PRKN: variants seen among roughly 807,000 people sequenced by gnomAD.
The protein encoded by PRKN is E3 ubiquitin-protein ligase parkin.
Under a neutral mutation model 59.5 loss-of-function variants are expected in PRKN, and 56 were observed. That is an observed-to-expected ratio of 0.94 (90% CI 0.76 to 1.18). The LOEUF (loss-of-function observed/expected upper bound fraction) is 1.18, where lower values mean the gene tolerates loss of function less well. PRKN is among the 50% of genes most tolerant of loss of function. The pLI is 0.00. For missense variants in PRKN, 657 were observed against 596.4 expected (o/e 1.10, Z -1.06); for synonymous variants, 250 against 222.1 (o/e 1.13, Z -1.12).
chr6:161,989,280 A>G (rs1022314101), intron 5 of PRKN, among the ~76,000 whole-genome samples: 2 of 35,148 alleles, frequency 5.7e-5, no homozygotes, highest in African/African-American at 2.3e-4. Context: ...ATATATATAC[A>G]CCATCCAGGG....
In PRKN at chr6:161,584,487, A is replaced by G. The variant is rs1423006386; in HGVS notation, c.872-15071T>C. Among the ~76,000 whole-genome samples the G allele has an allele frequency of 6.6e-6, 1 of 152,234 alleles. No homozygotes were observed. The highest frequency in any genetic ancestry group is 2.4e-5 in the African/African-American group (1 of 41,462). ...TAATCTTCATGTGCCAAATTGGGGG[A>G]AAAAACCTTATGGCTGGCCTGTTAT... On this transcript the variant is annotated intron_variant, in intron 7 of 11. Coordinates refer to ENST00000366898, the MANE Select transcript of PRKN (RefSeq NM_004562.3). The surrounding 1 kb of genome is among the most constrained non-coding windows in gnomAD (Gnocchi z 4.8).
At chr6:162,117,570 T>C (rs1222601141) in intron 4 of PRKN, among the ~76,000 whole-genome samples, 1 of 152,212 alleles carries the variant, frequency 6.6e-6, no homozygotes, top group Non-Finnish European at 1.5e-5. Context: ...GTAACTCCTA[T>C]GCTCTGACCA....
At chr6:161,595,131 A>G (rs1781867399) in intron 7 of PRKN, among the ~76,000 whole-genome samples, 1 of 152,238 alleles carries the variant, frequency 6.6e-6, no homozygotes, top group Admixed American at 6.5e-5. Context: ...GTAGTGACAA[A>G]ATAATTATAT....
intron 2 of PRKN, among the ~76,000 whole-genome samples, chr6:162,366,157 TATA>T (rs1156662221): frequency 6.6e-6 from 1 of 152,242 alleles, no homozygotes. Flanking sequence ...TTTGACAGGT[TATA>T]ATAATTTTTT....
intron 6 of PRKN, among the ~76,000 whole-genome samples, chr6:161,916,682 A>G (rs1778570034): frequency 6.6e-6 from 1 of 152,100 alleles, no homozygotes; most frequent in Non-Finnish European, 1.5e-5. Context: ...CTTCAATTTA[A>G]TTTTAAATTT....
At chr6:162,245,671 T>C (rs1779166574) in intron 3 of PRKN, among the ~76,000 whole-genome samples, 1 of 152,180 alleles carries the variant, frequency 6.6e-6, no homozygotes, top group Non-Finnish European at 1.5e-5. Context: ...CAGACAGATC[T>C]TGAAATCTGC....
At position 161,428,683 on chromosome 6, in the gene PRKN, A is replaced by G. The variant is rs905551465; in HGVS notation, c.1084-41806T>C. 6.6e-6 allele frequency among the ~76,000 whole-genome samples: 1 copy of G among 152,180 alleles called. No homozygotes were observed. The highest frequency in any genetic ancestry group is 1.5e-5 in the Non-Finnish European group (1 of 68,030). On this transcript the variant is annotated intron_variant, in intron 9 of 11. Coordinates refer to ENST00000366898, the MANE Select transcript of PRKN (RefSeq NM_004562.3). This position sits in a 1 kb window ranked among gnomAD's most constrained non-coding sequence, Gnocchi z 4.0. ...GCTAAAGAATCAGCAATTCACACAT[A>G]TAATAAAGCTCACAACCAAAAAAAG...
intron 3 of PRKN, 157 bp downstream of exon 3, chr6:162,262,368 G>T: frequency 1.2e-6 from 1 of 848,336 alleles, no homozygotes; most frequent in South Asian, 1.3e-5. Context: ...TTACATCAAA[G>T]TACTCCACCT....
intron 6 of PRKN, among the ~76,000 whole-genome samples, chr6:161,804,007 G>C (rs757202101): frequency 6.6e-6 from 1 of 152,192 alleles, no homozygotes; most frequent in Non-Finnish European, 1.5e-5. Context: ...CAGACACATG[G>C]GGGGTGGCAC....
intron 7 of PRKN, among the ~76,000 whole-genome samples, chr6:161,612,718 C>CAAAAAAAAAA (rs57084261): frequency 1.7e-5 from 1 of 59,630 alleles, no homozygotes; most frequent in Non-Finnish European, 3.1e-5. Flanking sequence ...GACTCCATCT[C>CAAAAAAAAAA]AAAAAAAAAA....
At chr6:161,722,273 T>G (rs1263642260) in intron 7 of PRKN, among the ~76,000 whole-genome samples, 2 of 152,218 alleles carry the variant, frequency 1.3e-5, no homozygotes, top group Admixed American at 1.3e-4. Flanking sequence ...TATTTTTGTG[T>G]GCATTGATTT....
intron 1 of PRKN, among the ~76,000 whole-genome samples, chr6:162,604,831 T>C (rs577726558): frequency 6.6e-6 from 1 of 152,042 alleles, no homozygotes; most frequent in Non-Finnish European, 1.5e-5. Flanking sequence ...CCACTATTTA[T>C]CAGCCTCCAG....
Position 161,582,534 on chromosome 6 carries a change from C to G in PRKN, c.872-13118G>C, listed in dbSNP as rs1781378360. 6.6e-6 allele frequency among the ~76,000 whole-genome samples: 1 copy of G among 151,954 alleles called. No homozygotes were observed. The highest frequency in any genetic ancestry group is 1.5e-5 in the Non-Finnish European group (1 of 68,022). ...CTCCGCCTCCCAGGTTCACGCCATT[C>G]TCCTGCCTCAGCCTCCCAAGCAGCT... On this transcript the variant is annotated intron_variant, in intron 7 of 11. Transcript: ENST00000366898. The surrounding 1 kb of genome is among the most constrained non-coding windows in gnomAD (Gnocchi z 4.4).
At chr6:162,292,589 G>T (rs7451077) in intron 2 of PRKN, among the ~76,000 whole-genome samples, 1 of 151,850 alleles carries the variant, frequency 6.6e-6, no homozygotes, top group Admixed American at 6.6e-5. Flanking sequence ...TGGAAGCTTC[G>T]AAGTGGGAAG....
Position 161,530,620 on chromosome 6 carries a change from G to A in PRKN, c.1083+18234C>T, listed in dbSNP as rs754296050. ...CAACCTCCACCTCCCAGGTTCAAGC[G>A]CTTCTCCTGCCTAGCCTCCCAAGTA... is the stretch of plus-strand genomic sequence containing the variant. On this transcript the variant is annotated intron_variant, in intron 9 of 11. Coordinates refer to ENST00000366898, the MANE Select transcript of PRKN (RefSeq NM_004562.3). The surrounding 1 kb of genome is among the most constrained non-coding windows in gnomAD (Gnocchi z 5.0). 2.0e-4 allele frequency among the ~76,000 whole-genome samples: 30 copies of A among 151,562 alleles called. No homozygotes were observed. The highest frequency in any genetic ancestry group is 9.7e-5 in the African/African-American group (4 of 41,202).
intron 3 of PRKN, among the ~76,000 whole-genome samples, chr6:162,208,464 C>G (rs775927856): frequency 1.3e-5 from 2 of 152,160 alleles, no homozygotes; most frequent in Non-Finnish European, 2.9e-5. Context: ...ATTTGACCTA[C>G]TGAGGCAAAA....
At chr6:162,277,658 A>G (rs1371355489) in intron 2 of PRKN, among the ~76,000 whole-genome samples, 1 of 152,212 alleles carries the variant, frequency 6.6e-6, no homozygotes, top group Non-Finnish European at 1.5e-5. Context: ...ACCTCACCAA[A>G]GAAGATACAG....
chr6:162,308,413 TG>T (rs1253253636), intron 2 of PRKN, among the ~76,000 whole-genome samples: 1 of 152,158 alleles, frequency 6.6e-6, no homozygotes, highest in African/African-American at 2.4e-5. Flanking sequence ...GGAAAACAAT[TG>T]ATGTCAGGAA....
chr6:162,475,577 GTGCATGAGTGTGTGTGTGTT>G (rs991408957), intron 1 of PRKN, among the ~76,000 whole-genome samples: 1 of 108,518 alleles, frequency 9.2e-6, no homozygotes, highest in African/African-American at 4.0e-5. Context: ...GAGTGTGTGT[GTGCATGAGTGTGTGTGTGTT>G]TGCATGAGTG....
Sources: gnomAD v4.1 joint callset for allele counts (sites outside exome capture counted in the v4.1 genomes callset) on GRCh38, gnomAD v4.1.1 for gene constraint, Gnocchi (gnomAD v3.1) non-coding constraint, MANE v1.5 for transcripts, NCBI Gene and HGNC (gene_info 2026-07-23, HGNC 2026-07-21) for gene names.